The following DBR1 variants were observed in gnomAD, a reference collection of about 807,000 sequenced individuals.
DBR1 encodes the protein debranching RNA lariats 1.
A neutral mutation model predicts 45.9 loss-of-function variants in DBR1; 33 were observed. The observed-to-expected ratio is 0.72, with a 90% CI of 0.55 to 0.96. DBR1 has a LOEUF of 0.96. Ranked by LOEUF, DBR1 falls within the 40% of genes least tolerant of loss-of-function variation. DBR1 has a pLI of 0.00. For synonymous variants in DBR1, 235 were observed against 235.9 expected (o/e 1.00, Z 0.04); for missense variants, 619 against 667.4 (o/e 0.93, Z 0.80).
In DBR1 at chr3:138,162,210, ATCT is replaced by A. The variant is rs1332188713; in HGVS notation, c.1311_1313del (p.Glu437del). On this transcript the variant is annotated inframe_deletion, in exon 8 of 8. Coordinates refer to ENST00000260803, the MANE Select transcript of DBR1 (RefSeq NM_016216.4). ...TGCCACTATGTGCACTTACAATACT[ATCT>A]TCATCTTCTTCTTCATCTAACATTA... The A allele has an allele frequency of 6.2e-7, 1 of 1,613,200 alleles. No individual in the cohort carries two copies. Among genetic ancestry groups the A allele is most frequent in the Non-Finnish European group, 8.5e-7 (1 of 1,179,298 alleles).
chr3:138,174,239 C>T (rs2042968216), intron 1 of DBR1, among the ~76,000 whole-genome samples: 1 of 152,056 alleles, frequency 6.6e-6, no homozygotes, highest in Admixed American at 6.6e-5. Flanking sequence ...ATTCCAGAGT[C>T]CTATCAAGTA....
rs746124544 is a variant in DBR1 at position 138,167,166 on chromosome 3, G to C, written c.629C>G (p.Ala210Gly). Residue 210 changes from alanine (A) to glycine (G), a missense_variant, in exon 5 of 8, where the codon GCC (alanine) becomes GGC (glycine). This residue lies in a region of DBR1 where 430 missense variants were observed against 447.7 expected (regional missense o/e 0.96). Coordinates refer to ENST00000260803, the MANE Select transcript of DBR1 (RefSeq NM_016216.4). ...TTTGAGATGCTCTAAAAGCTCTGAG[G>C]CAGCTGGACTTCCTAATGTGTTATT... The part of the protein sequence containing the change: ...VENNTLGSPA[A>G]SELLEHLKPT... 7.4e-6 allele frequency: 12 copies of C among 1,614,034 alleles called. No homozygotes were observed. In the African/African-American group the frequency reaches 1.3e-4, roughly 18 times the overall value.
At position 138,174,830 on chromosome 3, in the gene DBR1, C is replaced by A. The variant is rs1009065637; in HGVS notation, c.-35G>T. The A allele has an allele frequency of 3.8e-6, 6 of 1,591,400 alleles. No individual in the cohort carries two copies. Among genetic ancestry groups the A allele is most frequent in the Non-Finnish European group, 5.1e-6 (6 of 1,169,304 alleles). On this transcript the variant is annotated 5_prime_UTR_variant, in exon 1 of 8. Coordinates refer to ENST00000260803, the MANE Select transcript of DBR1 (RefSeq NM_016216.4). ...CTGAGGAGGTGAGCGCTGCCTGCAA[C>A]GCCCTACACCACAGCCAGCCCAGGA...
intron 3 of DBR1, among the ~76,000 whole-genome samples, chr3:138,171,102 G>A (rs1165584718): frequency 2.4e-4 from 36 of 152,072 alleles, no homozygotes; most frequent in Admixed American, 2.3e-3. Flanking sequence ...AGAAGGGAAC[G>A]GGATTGAGGA....
intron 7 of DBR1, 43 bp from the exon 8 acceptor site, chr3:138,162,625 C>A: frequency 6.8e-7 from 1 of 1,464,112 alleles, no homozygotes; most frequent in South Asian, 1.2e-5. Context: ...TTTATCAGCT[C>A]TAAACAATAA....
intron 5 of DBR1, among the ~76,000 whole-genome samples, chr3:138,166,297 A>G (rs541181703): frequency 6.6e-6 from 1 of 152,272 alleles, no homozygotes; most frequent in African/African-American, 2.4e-5. Flanking sequence ...ATAAGTATAT[A>G]TTTATTTTCT....
chr3:138,172,438 CA>C (rs1172652647), intron 2 of DBR1, among the ~76,000 whole-genome samples: 1 of 151,840 alleles, frequency 6.6e-6, no homozygotes, highest in Non-Finnish European at 1.5e-5. Context: ...TACAAAAAAA[CA>C]AAAAAATTAG....
chr3:138,171,804 A>G, intron 2 of DBR1, 91 bp from the exon 3 acceptor site: 1 of 937,744 alleles, frequency 1.1e-6, no homozygotes, highest in African/African-American at 1.7e-5. Context: ...AATTCCACAC[A>G]GTTCTAAAAT....
chr3:138,172,157 C>T (rs1404515730), intron 2 of DBR1, among the ~76,000 whole-genome samples: 2 of 152,170 alleles, frequency 1.3e-5, no homozygotes, highest in East Asian at 1.9e-4. Context: ...TTCACTTCTT[C>T]ACAATATTGT....
At chr3:138,166,010 C>T (rs1005490967) in intron 5 of DBR1, among the ~76,000 whole-genome samples, 1 of 152,176 alleles carries the variant, frequency 6.6e-6, no homozygotes, top group Non-Finnish European at 1.5e-5. Flanking sequence ...CCTTCCAAAC[C>T]GTGTTTGAGG....
intron 4 of DBR1, among the ~76,000 whole-genome samples, chr3:138,169,195 G>A (rs1055791194): frequency 3.9e-5 from 6 of 152,194 alleles, no homozygotes; most frequent in Admixed American, 6.5e-5. Flanking sequence ...GGAAGTCCTG[G>A]GCAGGTTACT....
At chr3:138,164,763 C>T (rs970193744) in intron 5 of DBR1, among the ~76,000 whole-genome samples, 6 of 152,232 alleles carry the variant, frequency 3.9e-5, no homozygotes, top group African/African-American at 1.4e-4. Context: ...TCTCATGTCT[C>T]AGCCTCCCGA....
At chr3:138,164,200 T>TA (rs1303329186) in intron 5 of DBR1, 2 of 160,238 alleles carry the variant, frequency 1.2e-5, no homozygotes, top group Non-Finnish European at 2.7e-5. Flanking sequence ...TGGCAGAACT[T>TA]AAACTATACA....
chr3:138,169,920 G>A (rs1421516879), intron 4 of DBR1, among the ~76,000 whole-genome samples, 187 bp downstream of exon 4: 1 of 151,650 alleles, frequency 6.6e-6, no homozygotes, highest in African/African-American at 2.4e-5. Context: ...GTGACATAGT[G>A]AGACTCTGTC....
At position 138,173,590 on chromosome 3, in the gene DBR1, C is replaced by T. The variant is rs375787539; in HGVS notation, c.234G>A (p.Thr78=). The change falls in exon 2 of 8, where the codon ACG becomes ACA. Residue 78 remains threonine, a synonymous_variant. Coordinates refer to ENST00000260803, the MANE Select transcript of DBR1 (RefSeq NM_016216.4). ...CTTCATGGTTTCCCCCAATGAAGAG[C>T]GTGAGAACTGGAGCCTTTTTCTCTC... The part of the protein sequence containing the change: ...YSGEKKAPVL[T]LFIGGNHEAS... 16 of 1,613,292 alleles carry T rather than the reference C, an allele frequency of 9.9e-6. No individual in the cohort carries two copies. Among genetic ancestry groups the T allele is most frequent in the Admixed American group, 1.7e-5 (1 of 59,954 alleles).
chr3:138,169,710 T>A (rs1367328107), intron 4 of DBR1, among the ~76,000 whole-genome samples: 1 of 152,116 alleles, frequency 6.6e-6, no homozygotes, highest in Non-Finnish European at 1.5e-5. Flanking sequence ...GGCAGGCGGA[T>A]CACCTGAGGT....
chr3:138,168,205 T>C (rs7633659), intron 4 of DBR1, among the ~76,000 whole-genome samples: 2,370 of 152,212 alleles, frequency 0.016, 63 homozygotes, highest in African/African-American at 0.054. Context: ...AACGAATACT[T>C]GAAAAATGAA....
At position 138,174,023 on chromosome 3, in the gene DBR1, G is replaced by GA. The variant is rs138787515; in HGVS notation, c.198-398dup. Reference sequence around the variant, plus strand: ...GCAACAAAGCGAAACTCTGTCTCAAGAAAAAAAAAAAAAAAAAAAAAAGGA... The same window carrying GA: ...GCAACAAAGCGAAACTCTGTCTCAAGAAAAAAAAAAAAAAAAAAAAAAAGGA... On this transcript the variant is annotated intron_variant, in intron 1 of 7. Transcript: ENST00000260803. 7.2e-3 allele frequency among the ~76,000 whole-genome samples: 893 copies of GA among 123,800 alleles called. 7 individuals carry two copies. Among genetic ancestry groups the GA allele is most frequent in the Non-Finnish European group, 8.2e-3 (482 of 58,902 alleles). The allele number at this position is 123,800 out of a possible 152,430, so 81.2% of individuals were successfully genotyped here.
rs200300949 is a variant in DBR1, at chr3:138,162,549, T to A, written c.975A>T (p.Lys325Asn). 30 of 1,612,190 alleles carry A rather than the reference T, an allele frequency of 1.9e-5. No homozygotes were observed. In the East Asian group the frequency reaches 6.5e-4, roughly 35 times the overall value. ...CATGATTCAATTTTTCCAATACTTC[T>A]TTCATACCTTCTTCTGTTGCACTAT... ...WDYSATEEGM[K>N]EVLEKLNHDL... The change falls in exon 8 of 8, where the codon AAA (lysine) becomes AAT (asparagine). Residue 325 changes from lysine (K) to asparagine (N), a missense_variant. Physicochemically the swap from Lys to Asn is moderately conservative, Grantham distance 94. Around this residue, in one of 3 missense-constraint regions of DBR1, gnomAD observed 430 missense variants for 447.7 expected, o/e 0.96. Transcript: ENST00000260803.
Sources: gnomAD v4.1 joint callset for allele counts (sites outside exome capture counted in the v4.1 genomes callset) on GRCh38, gnomAD v4.1.1 for gene constraint, gnomAD v4.1.1 regional missense constraint, MANE v1.5 for transcripts, NCBI Gene and HGNC (gene_info 2026-07-23, HGNC 2026-07-21) for gene names.